MSI2: variants seen among roughly 807,000 people sequenced by gnomAD.
The protein encoded by MSI2 is musashi RNA binding protein 2, also known as RNA-binding protein Musashi homolog 2.
A neutral mutation model predicts 45.6 loss-of-function variants in MSI2; 17 were observed. The ratio of observed to expected loss-of-function variants is 0.37; its 90% confidence interval spans 0.26 to 0.56. The LOEUF is 0.56. Among genes scored for constraint, MSI2 ranks in the 20% least tolerant of loss-of-function variants. The probability of loss-of-function intolerance (pLI) is 0.77; values close to 1 mark genes in which losing one functional copy is unlikely to be tolerated. For synonymous variants in MSI2, 156 were observed against 158.2 expected (o/e 0.99, Z 0.11); for missense variants, 293 against 444.2 (o/e 0.66, Z 3.06).
At chr17:57,491,411 G>C (rs776712035) in intron 6 of MSI2, among the ~76,000 whole-genome samples, 2 of 152,244 alleles carry the variant, frequency 1.3e-5, no homozygotes, top group African/African-American at 2.4e-5. Context: ...GTACTTTTCA[G>C]ACTAGCTGAG....
intron 5 of MSI2, among the ~76,000 whole-genome samples, chr17:57,390,512 AGT>A (rs748390140): frequency 1.1e-4 from 16 of 152,226 alleles, no homozygotes; most frequent in Non-Finnish European, 1.9e-4. Flanking sequence ...CAGGAGTGTC[AGT>A]GTGTGGATTA....
intron 6 of MSI2, among the ~76,000 whole-genome samples, chr17:57,506,669 C>T (rs1037749924): frequency 2.0e-5 from 3 of 152,190 alleles, no homozygotes; most frequent in Admixed American, 2.0e-4. Context: ...GGCTCTGCCT[C>T]GTCTTCCAGA....
intron 6 of MSI2, among the ~76,000 whole-genome samples, chr17:57,431,343 C>T (rs1469231464): frequency 6.6e-6 from 1 of 152,124 alleles, no homozygotes; most frequent in Non-Finnish European, 1.5e-5. Context: ...TCCTTGGGCC[C>T]GAACTGGCAG....
intron 5 of MSI2, among the ~76,000 whole-genome samples, chr17:57,292,578 T>TG (rs36112733): frequency 0.092 from 13,933 of 152,108 alleles, 836 homozygotes; most frequent in Non-Finnish European, 0.13. Context: ...TGGAGGTTGG[T>TG]GGGGGGTCCC....
chr17:57,286,563 C>T (rs560647011), intron 5 of MSI2, among the ~76,000 whole-genome samples: 1 of 151,672 alleles, frequency 6.6e-6, no homozygotes, highest in Non-Finnish European at 1.5e-5. Flanking sequence ...TTGGCGTGCC[C>T]CTGTTGGTAA....
intron 5 of MSI2, among the ~76,000 whole-genome samples, chr17:57,307,937 G>T (rs1043705758): frequency 3.9e-5 from 6 of 152,228 alleles, no homozygotes; most frequent in Admixed American, 1.3e-4. Flanking sequence ...AACTGGAACA[G>T]TGTCTTGTTC....
intron 10 of MSI2, among the ~76,000 whole-genome samples, chr17:57,651,328 G>C (rs535503479): frequency 2.0e-5 from 3 of 152,126 alleles, no homozygotes; most frequent in East Asian, 3.9e-4. Flanking sequence ...GCTTCATCTA[G>C]ACCGTGGGGC....
At chr17:57,424,391 A>AG (rs2084452455) in intron 6 of MSI2, among the ~76,000 whole-genome samples, 1 of 152,186 alleles carries the variant, frequency 6.6e-6, no homozygotes, top group African/African-American at 2.4e-5. Flanking sequence ...ATGGGAGATG[A>AG]GCGTTCTCTC....
At chr17:57,587,115 A>G (rs529482344) in intron 7 of MSI2, among the ~76,000 whole-genome samples, 40 of 152,094 alleles carry the variant, frequency 2.6e-4, no homozygotes, top group Non-Finnish European at 5.3e-4. Flanking sequence ...CCCTTCCCCC[A>G]TGAGAGATTC....
At chr17:57,499,647 C>T (rs1435937955) in intron 6 of MSI2, among the ~76,000 whole-genome samples, 3 of 152,158 alleles carry the variant, frequency 2.0e-5, no homozygotes, top group African/African-American at 7.2e-5. Flanking sequence ...TATATTATTT[C>T]TCGTGGTTTC....
intron 10 of MSI2, among the ~76,000 whole-genome samples, chr17:57,646,729 G>C (rs557575179): frequency 6.6e-6 from 1 of 152,166 alleles, no homozygotes; most frequent in Admixed American, 6.5e-5. Context: ...ATGGGTCTTC[G>C]AGTCTGACGC....
At position 57,681,818 on chromosome 17, in the gene MSI2, T is replaced by TA; in HGVS notation, c.*2301_*2302insA. On this transcript the variant is annotated 3_prime_UTR_variant, in exon 14 of 14. Coordinates refer to ENST00000284073, the MANE Select transcript of MSI2 (RefSeq NM_138962.4). ...TAAAACAACAAAACATAAGTTTTAT[T>TA]TAAAAAAAAAAAAAGAAAGAAAAAA... The TA allele has an allele frequency of 5.3e-6, 1 of 189,808 alleles. No homozygotes were observed. Among genetic ancestry groups the TA allele is most frequent in the East Asian group, 8.4e-5 (1 of 11,972 alleles). 11.8% of individuals were successfully genotyped at this position (189,808 alleles called of 1,614,324 possible). A position where few individuals can be genotyped will look rare whatever the true frequency, so the allele number is the denominator to read the frequency against.
At chr17:57,553,916 G>T (rs1233098200) in intron 7 of MSI2, among the ~76,000 whole-genome samples, 1 of 152,182 alleles carries the variant, frequency 6.6e-6, no homozygotes. Context: ...GCTCCAGAGA[G>T]AGAAGTTTTT....
downstream of MSI2, among the ~76,000 whole-genome samples, chr17:57,686,200 A>G (rs1378823710): frequency 6.6e-6 from 1 of 152,200 alleles, no homozygotes; most frequent in Non-Finnish European, 1.5e-5. Flanking sequence ...GGTGGGAGTG[A>G]GGCTTCTAAC....
chr17:57,421,541 T>TCTC lies in MSI2; in HGVS notation c.405+20085_405+20087dup, dbSNP rs10570551. Among the ~76,000 whole-genome samples, 551 of 151,600 alleles carry TCTC rather than the reference T, an allele frequency of 3.6e-3. 2 individuals are homozygous for TCTC. The highest frequency in any genetic ancestry group is 0.013 in the African/African-American group (532 of 41,384). The stretch of plus-strand genomic sequence containing the variant: ...CCCTCTGTCCCTCCTCCCCATTCAT[T>TCTC]CTCCTCCTCCTCCTCCTTCTCCTCA... On this transcript the variant is annotated intron_variant, in intron 6 of 13. Transcript: ENST00000284073.
chr17:57,559,123 A>C (rs1440561315), intron 7 of MSI2, among the ~76,000 whole-genome samples: 1 of 152,210 alleles, frequency 6.6e-6, no homozygotes, highest in Non-Finnish European at 1.5e-5. Flanking sequence ...TACCTTCTCC[A>C]AATCAGAACC....
chr17:57,514,184 G>A (rs7222426), intron 6 of MSI2, among the ~76,000 whole-genome samples: 2 of 150,736 alleles, frequency 1.3e-5, no homozygotes, highest in South Asian at 2.1e-4. Context: ...GAGTAATAGC[G>A]CCTGACAGTT....
chr17:57,586,515 T>C (rs1238788569), intron 7 of MSI2, among the ~76,000 whole-genome samples: 1 of 144,620 alleles, frequency 6.9e-6, no homozygotes, highest in African/African-American at 2.5e-5. Context: ...AAAAAAAAAA[T>C]CTCCTAGTGC....
intron 5 of MSI2, among the ~76,000 whole-genome samples, chr17:57,343,150 C>T (rs1398515797): frequency 6.6e-6 from 1 of 152,116 alleles, no homozygotes; most frequent in Non-Finnish European, 1.5e-5. Flanking sequence ...CTTTATCTTT[C>T]TGCACAGCCT....
Sources: gnomAD v4.1 joint callset for allele counts (sites outside exome capture counted in the v4.1 genomes callset) on GRCh38, gnomAD v4.1.1 for gene constraint, MANE v1.5 for transcripts, NCBI Gene and HGNC (gene_info 2026-07-23, HGNC 2026-07-21) for gene names.